The following NTRK3 variants were observed in gnomAD, a reference collection of about 807,000 sequenced individuals.
NTRK3 encodes the protein NT-3 growth factor receptor.
NTRK3 carries 24 observed loss-of-function variants against 91.7 expected under a neutral mutation model. The observed-to-expected ratio is 0.26, with a 90% CI of 0.19 to 0.37. NTRK3 has a LOEUF of 0.37. Among genes scored for constraint, NTRK3 ranks in the 10% least tolerant of loss-of-function variants. The pLI is 1.00. For missense variants in NTRK3, 880 were observed against 1,068.9 expected (o/e 0.82, Z 2.46); for synonymous variants, 483 against 404.0 (o/e 1.20, Z -2.34).
Position 87,998,465 on chromosome 15 carries a change from G to C in NTRK3, c.1585+34392C>G, listed in dbSNP as rs372996825. The stretch of plus-strand genomic sequence containing the variant: ...TGGGGCAGTGGCGATGCCAGCTTCA[G>C]ATGTCTATACAGTGGCTGTTGTAGA... On this transcript the variant is annotated intron_variant, in intron 14 of 18. Transcript: ENST00000394480. Among the ~76,000 whole-genome samples the C allele has an allele frequency of 1.8e-4, 27 of 152,372 alleles. No homozygotes were observed. In the South Asian group the frequency reaches 3.9e-3, roughly 22 times the overall value.
At chr15:88,118,970 G>A (rs1567452294) in intron 13 of NTRK3, among the ~76,000 whole-genome samples, 1 of 152,226 alleles carries the variant, frequency 6.6e-6, no homozygotes, top group African/African-American at 2.4e-5. Flanking sequence ...GAACAGGATA[G>A]AGAGGCCTGC....
chr15:87,879,120 C>T (rs561989370), intron 18 of NTRK3, among the ~76,000 whole-genome samples: 23 of 152,160 alleles, frequency 1.5e-4, no homozygotes, highest in African/African-American at 5.3e-4. Flanking sequence ...TGAGATAGTA[C>T]ACGTTTTAAA....
intron 13 of NTRK3, among the ~76,000 whole-genome samples, chr15:88,074,393 G>C (rs1037363932): frequency 2.6e-5 from 4 of 152,178 alleles, no homozygotes; most frequent in African/African-American, 9.7e-5. Context: ...CTGAGAAGCT[G>C]GTTTTTAAGT....
intron 17 of NTRK3, among the ~76,000 whole-genome samples, chr15:87,905,716 G>C (rs2066726411): frequency 6.6e-6 from 1 of 152,116 alleles, no homozygotes; most frequent in African/African-American, 2.4e-5. Context: ...CACTCTGCAT[G>C]CATTCTCCCC....
At chr15:87,908,739 G>C (rs550763843) in intron 17 of NTRK3, among the ~76,000 whole-genome samples, 5 of 152,310 alleles carry the variant, frequency 3.3e-5, no homozygotes, top group Admixed American at 6.5e-5. Context: ...CATCATTAGG[G>C]AGGACAGCGG....
rs528964826 is a variant in NTRK3 at position 87,935,926 on chromosome 15, G to A, written c.1717-2742C>T. Among the ~76,000 whole-genome samples the A allele has an allele frequency of 3.9e-5, 6 of 152,288 alleles. 1 individual carries two copies. In the South Asian group the frequency reaches 1.2e-3, roughly 32 times the overall value. ...TTTCAAAGTGGGCTTTCCAGCTCTT[G>A]AGTCAAACCTGAAGTTCTTACCTAA... On this transcript the variant is annotated intron_variant, in intron 15 of 18. Transcript: ENST00000394480.
chr15:88,144,319 C>T (rs138590303), intron 6 of NTRK3, among the ~76,000 whole-genome samples: 142 of 152,304 alleles, frequency 9.3e-4, no homozygotes, highest in African/African-American at 2.8e-3. Flanking sequence ...AAGAGGTACG[C>T]CCCCCTGGAC....
At chr15:88,158,868 A>AT (rs2044169284) in intron 5 of NTRK3, among the ~76,000 whole-genome samples, 1 of 152,172 alleles carries the variant, frequency 6.6e-6, no homozygotes, top group Non-Finnish European at 1.5e-5. Flanking sequence ...CATCACACTC[A>AT]TTTTTACTCA....
At chr15:88,244,122 G>A (rs950278827) in intron 3 of NTRK3, among the ~76,000 whole-genome samples, 17 of 152,240 alleles carry the variant, frequency 1.1e-4, no homozygotes, top group East Asian at 3.9e-4. Flanking sequence ...ACCATAGAGC[G>A]TTCAGTAGGG....
chr15:88,077,610 G>T (rs1429303843), intron 13 of NTRK3, among the ~76,000 whole-genome samples: 1 of 152,152 alleles, frequency 6.6e-6, no homozygotes, highest in Admixed American at 6.5e-5. Flanking sequence ...GCCTCAGGCA[G>T]GGGAACAACG....
chr15:88,119,170 C>A (rs573593139), intron 13 of NTRK3, among the ~76,000 whole-genome samples: 96 of 152,078 alleles, frequency 6.3e-4, no homozygotes, highest in African/African-American at 1.8e-3. Context: ...ATTCACTGCA[C>A]CCCTGCAAAG....
At chr15:88,097,007 G>A (rs1379979997) in intron 13 of NTRK3, among the ~76,000 whole-genome samples, 1 of 152,198 alleles carries the variant, frequency 6.6e-6, no homozygotes, top group Non-Finnish European at 1.5e-5. Context: ...AAGAGAGTCT[G>A]GTAGTGCTTT....
chr15:88,001,568 G>A (rs1567210511), intron 14 of NTRK3, among the ~76,000 whole-genome samples: 1 of 152,140 alleles, frequency 6.6e-6, no homozygotes, highest in Non-Finnish European at 1.5e-5. Flanking sequence ...ATAGCTCATT[G>A]TCCCAGGACT....
rs776323588 is a variant in NTRK3, at chr15:88,226,840, CA to C, written c.248+29065del. On this transcript the variant is annotated intron_variant, in intron 3 of 18. Coordinates refer to ENST00000394480, the Ensembl canonical transcript of NTRK3. Reference sequence around the variant, plus strand: ...CAGAAATTATCTTACTTAATCCTCTCAGTCACCCAGTGAAGGAGGGGTGATA... The same window carrying C: ...CAGAAATTATCTTACTTAATCCTCTCGTCACCCAGTGAAGGAGGGGTGATA... 3.2e-4 allele frequency among the ~76,000 whole-genome samples: 48 copies of C among 152,364 alleles called. No individual in the cohort carries two copies. In the Middle Eastern group the frequency reaches 0.01, roughly 32 times the overall value.
intron 5 of NTRK3, among the ~76,000 whole-genome samples, chr15:88,179,440 C>A (rs2046273030): frequency 6.6e-6 from 1 of 152,164 alleles, no homozygotes; most frequent in Non-Finnish European, 1.5e-5. Flanking sequence ...ACCTACCATA[C>A]CCCTGCCCCA....
At chr15:87,971,500 T>A (rs982720208) in intron 14 of NTRK3, among the ~76,000 whole-genome samples, 4 of 152,240 alleles carry the variant, frequency 2.6e-5, no homozygotes, top group African/African-American at 7.2e-5. Context: ...TTAGTTAGTA[T>A]CTAGCCAGTA....
chr15:88,160,610 T>C (rs1276150998), intron 5 of NTRK3, among the ~76,000 whole-genome samples: 1 of 152,180 alleles, frequency 6.6e-6, no homozygotes, highest in Non-Finnish European at 1.5e-5. Context: ...CAGGAGGACA[T>C]GTGAGCACAC....
At chr15:88,003,407 A>G (rs1344166763) in intron 14 of NTRK3, among the ~76,000 whole-genome samples, 1 of 152,224 alleles carries the variant, frequency 6.6e-6, no homozygotes, top group Non-Finnish European at 1.5e-5. Context: ...ATGATCTGAG[A>G]GCTAACTTTG....
At chr15:88,018,387 C>T (rs973629362) in intron 14 of NTRK3, among the ~76,000 whole-genome samples, 2 of 152,178 alleles carry the variant, frequency 1.3e-5, no homozygotes, top group Non-Finnish European at 2.9e-5. Flanking sequence ...AATTGGAAGT[C>T]AGCTGACGGT....
Sources: gnomAD v4.1 joint callset for allele counts (sites outside exome capture counted in the v4.1 genomes callset) on GRCh38, gnomAD v4.1.1 for gene constraint, MANE v1.5 for transcripts, NCBI Gene and HGNC (gene_info 2026-07-23, HGNC 2026-07-21) for gene names.